Variants in MACROD1 observed in about 807,000 individuals in gnomAD.
MACROD1 encodes the protein mono-ADP ribosylhydrolase 1, also known as ADP-ribose glycohydrolase MACROD1.
MACROD1 carries 31 observed loss-of-function variants against 41.4 expected under a neutral mutation model. The ratio of observed to expected loss-of-function variants is 0.75; its 90% CI spans 0.56 to 1.01. The LOEUF is 1.01. Among genes scored for constraint, MACROD1 ranks in the 50% least tolerant of loss-of-function variants. The pLI is 0.00. For missense variants in MACROD1, 473 were observed against 460.0 expected (o/e 1.03, Z -0.26); for synonymous variants, 252 against 203.4 (o/e 1.24, Z -2.03).
intron 3 of MACROD1, among the ~76,000 whole-genome samples, chr11:64,015,607 C>T (rs916201657): frequency 3.3e-5 from 5 of 152,214 alleles, no homozygotes; most frequent in Admixed American, 6.5e-5. Context: ...TTCACTGTTT[C>T]GCCCACAGTA....
intron 3 of MACROD1, among the ~76,000 whole-genome samples, chr11:64,019,137 GC>G (rs1468290248): frequency 1.3e-5 from 2 of 152,220 alleles, no homozygotes; most frequent in African/African-American, 4.8e-5. Flanking sequence ...GCTGTGGAGT[GC>G]CCTAGTCTGT....
intron 3 of MACROD1, among the ~76,000 whole-genome samples, chr11:64,121,687 C>G (rs1565246217): frequency 6.6e-6 from 1 of 152,220 alleles, no homozygotes; most frequent in South Asian, 2.1e-4. Context: ...CCTGGGATGC[C>G]AACCCCAGCC....
chr11:64,150,581 C>A (rs561737534), intron 3 of MACROD1, among the ~76,000 whole-genome samples: 1 of 152,206 alleles, frequency 6.6e-6, no homozygotes, highest in Non-Finnish European at 1.5e-5. Context: ...GCCACCTGCT[C>A]GACTTAACCA....
chr11:64,039,334 G>A (rs1346745743), intron 3 of MACROD1, among the ~76,000 whole-genome samples: 1 of 152,268 alleles, frequency 6.6e-6, no homozygotes, highest in East Asian at 1.9e-4. Flanking sequence ...AGAGGAGAGC[G>A]CCAGCCTCTG....
intron 3 of MACROD1, among the ~76,000 whole-genome samples, chr11:64,074,106 CCT>C (rs1167949587): frequency 1.3e-5 from 2 of 152,204 alleles, no homozygotes; most frequent in Non-Finnish European, 2.9e-5. Flanking sequence ...GGCCTTGCCT[CCT>C]CTCAAAGAAA....
chr11:64,084,617 C>T (rs1208159549), intron 3 of MACROD1, among the ~76,000 whole-genome samples: 5 of 152,206 alleles, frequency 3.3e-5, no homozygotes, highest in East Asian at 1.9e-4. Flanking sequence ...CTTAGGACAG[C>T]GCCTAGAAGG....
chr11:63,999,209 A>AAAC, intron 8 of MACROD1, 122 bp downstream of exon 8: 1 of 1,397,132 alleles, frequency 7.2e-7, no homozygotes, highest in African/African-American at 1.4e-5. Context: ...TGCGCAGGAG[A>AAAC]AACAGGGAAG....
chr11:64,013,228 G>A (rs1943038893), intron 4 of MACROD1, among the ~76,000 whole-genome samples: 1 of 152,208 alleles, frequency 6.6e-6, no homozygotes, highest in South Asian at 2.1e-4. Context: ...CAGCACATTA[G>A]AAGGAGACAG....
intron 10 of MACROD1, 42 bp from the exon 11 acceptor site, chr11:63,998,729 G>C (rs1942758331): frequency 7.1e-7 from 1 of 1,412,066 alleles, no homozygotes; most frequent in African/African-American, 1.5e-5. Flanking sequence ...GGGCGTCCCC[G>C]ACCTCCCAGG....
intron 3 of MACROD1, among the ~76,000 whole-genome samples, chr11:64,021,409 G>T (rs921450473): frequency 6.6e-6 from 1 of 152,246 alleles, no homozygotes; most frequent in Non-Finnish European, 1.5e-5. Flanking sequence ...GCCCAGGGAG[G>T]GGGGCTGCCG....
chr11:64,053,813 T>G (rs1381546153), intron 3 of MACROD1, among the ~76,000 whole-genome samples: 2 of 152,166 alleles, frequency 1.3e-5, no homozygotes, highest in East Asian at 3.8e-4. Context: ...GCCCCTTGCC[T>G]GCCCGCAGAT....
In MACROD1 at chr11:64,036,796, C is replaced by T. The variant is rs1326958842; in HGVS notation, c.518-21515G>A. Among the ~76,000 whole-genome samples, 7 of 152,092 alleles carry T rather than the reference C, an allele frequency of 4.6e-5. No individual in the cohort carries two copies. In the South Asian group the frequency reaches 1.2e-3, roughly 27 times the overall value. On this transcript the variant is annotated intron_variant, in intron 3 of 10. Coordinates refer to ENST00000255681, the MANE Select transcript of MACROD1 (RefSeq NM_014067.4). The surrounding 1 kb of genome is among the most constrained non-coding windows in gnomAD (Gnocchi z 5.6). ...GAACGGTGAGACCATGGTGCCTGGG[C>T]GGGGGGCGGCGGGCACCCCCCATCC... is the stretch of plus-strand genomic sequence containing the variant.
chr11:64,104,170 G>C lies in MACROD1; in HGVS notation c.517+47069C>G, dbSNP rs543795836. ...CAAACCCAGAGGGTCTTGGGCGGCAGCGACGAAGGAGGTAAGGCCCAAGGA... is the reference window on the plus strand; with the variant it reads ...CAAACCCAGAGGGTCTTGGGCGGCACCGACGAAGGAGGTAAGGCCCAAGGA... On this transcript the variant is annotated intron_variant, in intron 3 of 10. Transcript: ENST00000255681. 2.0e-5 allele frequency: 3 copies of C among 152,502 alleles called. No individual in the cohort carries two copies. The South Asian group carries it at 6.2e-4, about 32-fold the overall frequency. The allele number at this position is 152,502 out of a possible 1,614,324, so 9.4% of individuals were successfully genotyped here.
chr11:64,101,519 C>G (rs948456520), intron 3 of MACROD1, among the ~76,000 whole-genome samples: 1 of 152,198 alleles, frequency 6.6e-6, no homozygotes, highest in Non-Finnish European at 1.5e-5. Flanking sequence ...TGCCAAGGCC[C>G]GCTGCCCCTG....
intron 3 of MACROD1, among the ~76,000 whole-genome samples, chr11:64,080,070 T>C (rs915069885): frequency 8.5e-5 from 13 of 152,184 alleles, no homozygotes; most frequent in African/African-American, 3.1e-4. Context: ...TGGAGTGCAA[T>C]GGCACCATCC....
In MACROD1 at chr11:64,096,969, G is replaced by A. The variant is rs1273722358; in HGVS notation, c.517+54270C>T. Reference sequence around the variant, plus strand: ...CCACTCTCTCAGCGTCTGGGCCCGGGAGTTCCTGCCTACCCTTGCTGGGAG... The same window carrying A: ...CCACTCTCTCAGCGTCTGGGCCCGGAAGTTCCTGCCTACCCTTGCTGGGAG... On this transcript the variant is annotated intron_variant, in intron 3 of 10. Coordinates refer to ENST00000255681, the MANE Select transcript of MACROD1 (RefSeq NM_014067.4). The surrounding 1 kb of genome is among the most constrained non-coding windows in gnomAD (Gnocchi z 4.6). Among the ~76,000 whole-genome samples the A allele has an allele frequency of 2.6e-5, 4 of 152,218 alleles. No homozygotes were observed. Among genetic ancestry groups the A allele is most frequent in the Admixed American group, 2.6e-4 (4 of 15,282 alleles).
intron 4 of MACROD1, among the ~76,000 whole-genome samples, chr11:64,007,278 C>G (rs1247152680): frequency 6.6e-6 from 1 of 152,136 alleles, no homozygotes; most frequent in Admixed American, 6.5e-5. Flanking sequence ...GGACACGCGG[C>G]TCTAAGTTGT....
At chr11:64,097,734 G>A (rs1160566998) in intron 3 of MACROD1, among the ~76,000 whole-genome samples, 2 of 152,244 alleles carry the variant, frequency 1.3e-5, no homozygotes, top group Admixed American at 1.3e-4. Flanking sequence ...AAGCCTGGGG[G>A]CCCGGAGCGA....
chr11:64,100,203 G>C (rs1022846044), intron 3 of MACROD1, among the ~76,000 whole-genome samples: 12 of 152,198 alleles, frequency 7.9e-5, no homozygotes, highest in African/African-American at 2.7e-4. Flanking sequence ...GAAAGGACAA[G>C]GTGCATTGTC....
Sources: allele counts gnomAD v4.1 joint callset (sites outside exome capture counted in the v4.1 genomes callset), GRCh38; gene constraint gnomAD v4.1.1; non-coding constraint Gnocchi (gnomAD v3.1); transcripts MANE v1.5; gene names NCBI Gene and HGNC (gene_info 2026-07-23, HGNC 2026-07-21).